Variants in MAGI3 observed in about 807,000 individuals in gnomAD.
MAGI3 encodes the protein membrane-associated guanylate kinase, WW and PDZ domain-containing protein 3.
Under a neutral mutation model 121.8 loss-of-function variants are expected in MAGI3, and 43 were observed. The ratio of observed to expected loss-of-function variants is 0.35; its 90% CI spans 0.28 to 0.46. The LOEUF is 0.46. Ranked by LOEUF, MAGI3 falls within the 20% of genes least tolerant of loss-of-function variation. MAGI3 has a pLI of 1.00. For missense variants in MAGI3, 1,547 were observed against 1,797.3 expected, an observed-to-expected ratio of 0.86 and a Z score of 2.52; for synonymous variants, 553 against 639.3, an observed-to-expected ratio of 0.86 and a Z score of 2.04.
At chr1:113,480,365 G>A (rs1403762220) in intron 1 of MAGI3, among the ~76,000 whole-genome samples, 1 of 152,020 alleles carries the variant, frequency 6.6e-6, no homozygotes, top group African/African-American at 2.4e-5. Context: ...GTACTGGGGG[G>A]AGTTCTACAG....
chr1:113,510,154 TA>T (rs1157800527), intron 1 of MAGI3, among the ~76,000 whole-genome samples: 2 of 152,166 alleles, frequency 1.3e-5, no homozygotes, highest in African/African-American at 2.4e-5. Flanking sequence ...TTTTCGTGCA[TA>T]AAAAATGCAA....
Position 113,684,599 on chromosome 1 carries a change from A to AG in MAGI3, c.*587dup. On this transcript the variant is annotated 3_prime_UTR_variant, in exon 21 of 21. Transcript: ENST00000307546. ...AAAACCCCCAAACATCACTACTTTAAGGAAAAAAAAAATGTAGTCCAATAT... is the reference window on the plus strand; with the variant it reads ...AAAACCCCCAAACATCACTACTTTAAGGGAAAAAAAAAATGTAGTCCAATAT... 1 of 149,898 alleles carries AG rather than the reference A, an allele frequency of 6.7e-6. No homozygotes were observed. Among genetic ancestry groups the AG allele is most frequent in the South Asian group, 2.1e-4 (1 of 4,714 alleles). The allele number at this position is 149,898 out of a possible 1,614,324, so 9.3% of individuals were successfully genotyped here.
intron 1 of MAGI3, among the ~76,000 whole-genome samples, chr1:113,479,238 C>T (rs1002531687): frequency 1.3e-5 from 2 of 152,206 alleles, no homozygotes; most frequent in Non-Finnish European, 2.9e-5. Flanking sequence ...CTTTGGCTCA[C>T]TCTCCATGGG....
intron 9 of MAGI3, 112 bp from the exon 10 acceptor site, chr1:113,641,799 G>A (rs1652547773): frequency 1.1e-6 from 1 of 929,544 alleles, no homozygotes; most frequent in Non-Finnish European, 1.6e-6. Flanking sequence ...AGTTAATAGA[G>A]GTTTCCAAAA....
At position 113,391,234 on chromosome 1, in the gene MAGI3, A is replaced by C; in HGVS notation, c.201A>C (p.Pro67=). 1 of 1,566,194 alleles carries C rather than the reference A, an allele frequency of 6.4e-7. No homozygotes were observed. The highest frequency in any genetic ancestry group is 1.7e-4 in the Middle Eastern group (1 of 5,990). The stretch of plus-strand genomic sequence containing the variant: ...TCGTCTCGGGCAAGGCGCCCAGCCC[A>C]GGCGATGTGCTGCTGGAGGTAAACG... The part of the protein sequence containing the change: ...CCVVSGKAPS[P]GDVLLEVNGT... Residue 67 remains proline, a synonymous_variant, in exon 1 of 21, where the codon CCA becomes CCC. Coordinates refer to ENST00000307546, the MANE Select transcript of MAGI3 (RefSeq NM_001142782.2). The surrounding 1 kb of genome is among the most constrained non-coding windows in gnomAD (Gnocchi z 4.4).
At chr1:113,637,296 C>T (rs868119620) in intron 9 of MAGI3, among the ~76,000 whole-genome samples, 2 of 152,076 alleles carry the variant, frequency 1.3e-5, no homozygotes, top group Admixed American at 6.5e-5. Context: ...TTATTTTGCT[C>T]GTTAGTTGAT....
intron 9 of MAGI3, among the ~76,000 whole-genome samples, chr1:113,630,602 G>A (rs572264020): frequency 1.3e-5 from 2 of 152,298 alleles, no homozygotes; most frequent in South Asian, 2.1e-4. Context: ...CCCAGTATCC[G>A]TGGTGTATTT....
chr1:113,674,823 A>G (rs1020483117), intron 19 of MAGI3, among the ~76,000 whole-genome samples: 5 of 152,208 alleles, frequency 3.3e-5, no homozygotes, highest in Non-Finnish European at 7.3e-5. Flanking sequence ...TCCTCCCTCA[A>G]AATGACCAGA....
chr1:113,407,969 A>G (rs983254398), intron 1 of MAGI3, among the ~76,000 whole-genome samples: 1 of 152,110 alleles, frequency 6.6e-6, no homozygotes, highest in Non-Finnish European at 1.5e-5. Context: ...AATGTTGTAG[A>G]ATTGGAACAT....
At chr1:113,465,355 G>A (rs985140925) in intron 1 of MAGI3, among the ~76,000 whole-genome samples, 2 of 151,976 alleles carry the variant, frequency 1.3e-5, no homozygotes, top group African/African-American at 4.8e-5. Flanking sequence ...CTGTTCCATT[G>A]GTCTATGTGT....
At chr1:113,641,251 T>C (rs1652518719) in intron 9 of MAGI3, among the ~76,000 whole-genome samples, 1 of 148,860 alleles carries the variant, frequency 6.7e-6, no homozygotes, top group African/African-American at 2.5e-5. Context: ...GAATGCAGGC[T>C]GAGGTGATCA....
chr1:113,642,156 A>T lies in MAGI3; in HGVS notation c.1606A>T (p.Met536Leu). 1 of 1,614,180 alleles carries T rather than the reference A, an allele frequency of 6.2e-7. No homozygotes were observed. Residue 536 changes from methionine (M) to leucine (L), a missense_variant, in exon 10 of 21, where the codon ATG becomes TTG. By Grantham distance (15) the Met-to-Leu change is conservative. Coordinates refer to ENST00000307546, the MANE Select transcript of MAGI3 (RefSeq NM_001142782.2). ...MNPQDFKPGA[M>L]VLEQNGKSGH... ...TCCTCAGGATTTTAAGCCAGGAGCA[A>T]TGGTTCTGGAGCAGAATGGAAAATC...
intron 1 of MAGI3, among the ~76,000 whole-genome samples, chr1:113,426,553 C>T (rs577671429): frequency 3.3e-5 from 5 of 152,200 alleles, no homozygotes; most frequent in Admixed American, 1.3e-4. Context: ...GGTTTTGCTT[C>T]GTGTATTTTG....
intron 1 of MAGI3, among the ~76,000 whole-genome samples, chr1:113,396,214 G>A (rs1190642653): frequency 6.6e-6 from 1 of 151,412 alleles, no homozygotes; most frequent in Non-Finnish European, 1.5e-5. Flanking sequence ...TTGGGAGTAT[G>A]TTGAAAGAGA....
chr1:113,406,549 G>A (rs1017408125), intron 1 of MAGI3, among the ~76,000 whole-genome samples: 2 of 150,490 alleles, frequency 1.3e-5, no homozygotes, highest in African/African-American at 4.9e-5. Context: ...TTTTTGAAAA[G>A]CAAATAATCT....
At chr1:113,467,648 T>A (rs1359920583) in intron 1 of MAGI3, among the ~76,000 whole-genome samples, 1 of 152,166 alleles carries the variant, frequency 6.6e-6, no homozygotes, top group Non-Finnish European at 1.5e-5. Flanking sequence ...TCCTCCTGCC[T>A]CAGCCTCCCA....
intron 19 of MAGI3, among the ~76,000 whole-genome samples, chr1:113,675,977 TG>T (rs1286853736): frequency 6.6e-6 from 1 of 151,828 alleles, no homozygotes; most frequent in East Asian, 1.9e-4. Context: ...TTACAGAGGA[TG>T]GCATATTTAT....
Position 113,512,752 on chromosome 1 carries a change from C to T in MAGI3, c.317-36763C>T, listed in dbSNP as rs961126285. On this transcript the variant is annotated intron_variant, in intron 1 of 20. Coordinates refer to ENST00000307546, the MANE Select transcript of MAGI3 (RefSeq NM_001142782.2). ...GCCCTCTCTCACCACTCCTATTCAACATAGTGTTGGAAGTTCTGGCCAGGG... is the reference window on the plus strand; with the variant it reads ...GCCCTCTCTCACCACTCCTATTCAATATAGTGTTGGAAGTTCTGGCCAGGG... 4.6e-5 allele frequency among the ~76,000 whole-genome samples: 7 copies of T among 152,226 alleles called. No individual in the cohort carries two copies. The East Asian group carries it at 1.3e-3, about 29-fold the overall frequency.
intron 1 of MAGI3, among the ~76,000 whole-genome samples, chr1:113,522,678 A>AT (rs1301044764): frequency 3.3e-5 from 5 of 152,226 alleles, no homozygotes; most frequent in Non-Finnish European, 5.9e-5. Flanking sequence ...TTTTTTAAAA[A>AT]TTCAAACCTT....
Sources: gnomAD v4.1 joint callset for allele counts (sites outside exome capture counted in the v4.1 genomes callset) on GRCh38, gnomAD v4.1.1 for gene constraint, Gnocchi (gnomAD v3.1) non-coding constraint, MANE v1.5 for transcripts, NCBI Gene and HGNC (gene_info 2026-07-23, HGNC 2026-07-21) for gene names.